The following MICU2 variants were observed in gnomAD, a reference collection of about 807,000 sequenced individuals.
MICU2 encodes mitochondrial calcium uptake 2.
MICU2 carries 64 observed loss-of-function variants against 60.4 expected under a neutral mutation model. That is an observed-to-expected ratio of 1.06 (90% confidence interval 0.87 to 1.31). MICU2 has a LOEUF of 1.31. Among genes scored for constraint, MICU2 ranks in the 50% most tolerant of loss-of-function variants. MICU2 has a pLI of 0.00. For synonymous variants in MICU2, 201 were observed against 175.0 expected (o/e 1.15, Z -1.17); for missense variants, 569 against 531.0 (o/e 1.07, Z -0.70).
intron 7 of MICU2, among the ~76,000 whole-genome samples, 166 bp downstream of exon 7, chr13:21,514,187 A>C (rs1886503773): frequency 6.6e-6 from 1 of 152,170 alleles, no homozygotes; most frequent in Non-Finnish European, 1.5e-5. Flanking sequence ...TCAGACCACC[A>C]CGTATATGCA....
intron 8 of MICU2, among the ~76,000 whole-genome samples, chr13:21,505,268 G>A (rs960789643): frequency 4.6e-5 from 7 of 152,048 alleles, no homozygotes; most frequent in African/African-American, 1.7e-4. Context: ...TGCAGAAGAA[G>A]AAAAATCACC....
intron 1 of MICU2, among the ~76,000 whole-genome samples, chr13:21,571,301 G>C (rs925482124): frequency 1.8e-4 from 28 of 152,148 alleles, no homozygotes; most frequent in African/African-American, 5.3e-4. Context: ...GGAGGATAAA[G>C]AGATATAATA....
At position 21,603,983 on chromosome 13, in the gene MICU2, C is replaced by G. The variant is rs1211381998; in HGVS notation, c.166G>C (p.Val56Leu). The G allele has an allele frequency of 1.9e-6, 3 of 1,612,146 alleles. No individual in the cohort carries two copies. The highest frequency in any genetic ancestry group is 2.7e-5 in the African/African-American group (2 of 74,922). Residue 56 changes from valine (V) to leucine (L), a missense_variant, in exon 1 of 12, where the codon GTC (valine) becomes CTC (leucine). Physicochemically the swap from Val to Leu is conservative, Grantham distance 32. Coordinates refer to ENST00000382374, the MANE Select transcript of MICU2 (RefSeq NM_152726.3). ...GAGAAWHHSRVSVAARDGSFT... is the reference protein window; with the variant it reads ...GAGAAWHHSRLSVAARDGSFT... Reference sequence around the variant, plus strand: ...CTGCCATCCCGCGCCGCAACACTGACGCGGCTGTGGTGCCAGGCCGCTCCT... The same window carrying G: ...CTGCCATCCCGCGCCGCAACACTGAGGCGGCTGTGGTGCCAGGCCGCTCCT...
At chr13:21,539,778 CA>C in intron 2 of MICU2, 90 bp from the exon 3 acceptor site, 1 of 1,157,034 alleles carries the variant, frequency 8.6e-7, no homozygotes. Flanking sequence ...AAAGACAAAA[CA>C]AACAACTAAA....
rs141605015 is a variant in MICU2 at position 21,582,595 on chromosome 13, A to G, written c.211-15651T>C. On this transcript the variant is annotated intron_variant, in intron 1 of 11. Transcript: ENST00000382374. Reference sequence around the variant, plus strand: ...TTCAATTATTTGCTTTCTACTTTTAAACTTAACTTCCTTCTAAAACAACCT... The same window carrying G: ...TTCAATTATTTGCTTTCTACTTTTAGACTTAACTTCCTTCTAAAACAACCT... Among the ~76,000 whole-genome samples, 142 of 152,220 alleles carry G rather than the reference A, an allele frequency of 9.3e-4. 1 individual carries two copies. The highest frequency in any genetic ancestry group is 3.3e-3 in the African/African-American group (136 of 41,522).
chr13:21,548,775 C>T (rs759412609), intron 2 of MICU2, among the ~76,000 whole-genome samples: 16 of 152,084 alleles, frequency 1.1e-4, no homozygotes, highest in Non-Finnish European at 1.5e-4. Flanking sequence ...AACAATCACC[C>T]GGAGGGTGCT....
chr13:21,542,321 A>G (rs1165668003), intron 2 of MICU2, among the ~76,000 whole-genome samples: 1 of 152,256 alleles, frequency 6.6e-6, no homozygotes, highest in Non-Finnish European at 1.5e-5. Flanking sequence ...AGGCAAGAGC[A>G]TATTAAATAC....
At chr13:21,531,489 CAGACTAGCTGTA>C (rs1233880765) in intron 4 of MICU2, among the ~76,000 whole-genome samples, 20 of 152,316 alleles carry the variant, frequency 1.3e-4, no homozygotes, top group African/African-American at 4.6e-4. Flanking sequence ...TGCTGCTACT[CAGACTAGCTGTA>C]AGTAATGGGA....
chr13:21,500,730 A>T (rs967565265), intron 9 of MICU2, among the ~76,000 whole-genome samples: 1 of 152,024 alleles, frequency 6.6e-6, no homozygotes. Context: ...ATCCCTACTG[A>T]TTTTTAAAGA....
intron 1 of MICU2, among the ~76,000 whole-genome samples, chr13:21,569,316 T>C (rs1166086978): frequency 1.3e-5 from 2 of 152,120 alleles, no homozygotes; most frequent in Non-Finnish European, 2.9e-5. Flanking sequence ...AATAAACCTA[T>C]TCTACTACCC....
chr13:21,536,185 T>G (rs1036996454), intron 4 of MICU2, among the ~76,000 whole-genome samples: 1 of 152,108 alleles, frequency 6.6e-6, no homozygotes, highest in Non-Finnish European at 1.5e-5. Context: ...ATAATGAAAG[T>G]CCACTAAATA....
At chr13:21,517,791 ACACACACACGCG>A (rs778707073) in intron 6 of MICU2, among the ~76,000 whole-genome samples, 8 of 97,942 alleles carry the variant, frequency 8.2e-5, no homozygotes, top group Admixed American at 2.0e-4. Flanking sequence ...ACACACACAC[ACACACACACGCG>A]CGCGCGCGCG....
intron 4 of MICU2, among the ~76,000 whole-genome samples, chr13:21,529,715 T>A (rs1422737667): frequency 1.3e-5 from 2 of 152,234 alleles, no homozygotes; most frequent in Non-Finnish European, 2.9e-5. Context: ...TAAGTCACTG[T>A]AACCTTGAAG....
At chr13:21,526,190 G>A (rs1216481315) in intron 4 of MICU2, among the ~76,000 whole-genome samples, 1 of 143,984 alleles carries the variant, frequency 6.9e-6, no homozygotes, top group Non-Finnish European at 1.5e-5. Context: ...CTGGGCTCAA[G>A]TGATGCTCCT....
chr13:21,576,664 C>T (rs1041439570), intron 1 of MICU2, among the ~76,000 whole-genome samples: 1 of 152,134 alleles, frequency 6.6e-6, no homozygotes, highest in Non-Finnish European at 1.5e-5. Flanking sequence ...GACTTCCATA[C>T]CCCAGTCCTC....
intron 1 of MICU2, among the ~76,000 whole-genome samples, chr13:21,573,515 G>A (rs1370851783): frequency 2.0e-5 from 3 of 152,018 alleles, no homozygotes; most frequent in Admixed American, 1.3e-4. Flanking sequence ...CTAGTGATCC[G>A]CCCACCTCGG....
chr13:21,599,593 A>C (rs887543768), intron 1 of MICU2, among the ~76,000 whole-genome samples: 13 of 152,222 alleles, frequency 8.5e-5, no homozygotes, highest in African/African-American at 2.7e-4. Flanking sequence ...AGGTATAACA[A>C]CACCATACAT....
intron 2 of MICU2, among the ~76,000 whole-genome samples, chr13:21,540,338 A>C (rs999862855): frequency 3.4e-4 from 52 of 152,172 alleles, no homozygotes; most frequent in African/African-American, 1.3e-3. Flanking sequence ...GATAGCCTCA[A>C]ATCATTTTAA....
chr13:21,510,240 G>A (rs112594280), intron 7 of MICU2, 139 bp from the exon 8 acceptor site: 20 of 406,396 alleles, frequency 4.9e-5, no homozygotes, highest in African/African-American at 2.5e-4. Context: ...TGTAAAAGAG[G>A]GATAGAGCCA....
Sources: gnomAD v4.1 joint callset for allele counts (sites outside exome capture counted in the v4.1 genomes callset) on GRCh38, gnomAD v4.1.1 for gene constraint, MANE v1.5 for transcripts, NCBI Gene and HGNC (gene_info 2026-07-23, HGNC 2026-07-21) for gene names.